The following FILIP1L variants were observed in gnomAD, a reference collection of about 807,000 sequenced individuals.
The protein encoded by FILIP1L is filamin A-interacting protein 1-like.
In FILIP1L, 55 loss-of-function variants were observed where a neutral mutation model predicts 96.6. That is an observed-to-expected ratio of 0.57 (90% CI 0.46 to 0.71). The LOEUF is 0.71. FILIP1L is among the 30% of genes least tolerant of loss of function. The pLI is 0.00. For synonymous variants in FILIP1L, 467 were observed against 473.9 expected, an observed-to-expected ratio of 0.99 and a Z score of 0.19; for missense variants, 1,304 against 1,321.2, an observed-to-expected ratio of 0.99 and a Z score of 0.20.
intron 1 of FILIP1L, among the ~76,000 whole-genome samples, chr3:100,109,400 A>C (rs1178790712): frequency 6.6e-6 from 1 of 152,198 alleles, no homozygotes; most frequent in African/African-American, 2.4e-5. Context: ...AAGCTCATGC[A>C]ATCATGTAAC....
At chr3:100,092,000 C>T (rs1012883248) in intron 1 of FILIP1L, among the ~76,000 whole-genome samples, 1 of 152,180 alleles carries the variant, frequency 6.6e-6, no homozygotes, top group Admixed American at 6.5e-5. Flanking sequence ...GTTGCTTGAT[C>T]TCTCTGGACC....
chr3:99,855,654 GAACT>G (rs934029045), intron 4 of FILIP1L, among the ~76,000 whole-genome samples: 1 of 152,152 alleles, frequency 6.6e-6, no homozygotes, highest in African/African-American at 2.4e-5. Context: ...TCTGAATGGA[GAACT>G]ATCAACTTAA....
intron 4 of FILIP1L, among the ~76,000 whole-genome samples, chr3:99,918,460 A>T (rs561505279): frequency 6.6e-6 from 1 of 152,312 alleles, no homozygotes; most frequent in Middle Eastern, 3.4e-3. Context: ...CAATAAACTC[A>T]CTATCATGTA....
chr3:99,920,260 C>CT (rs1206822517), intron 4 of FILIP1L, among the ~76,000 whole-genome samples: 2 of 151,826 alleles, frequency 1.3e-5, no homozygotes, highest in South Asian at 2.1e-4. Context: ...AAAAGCAACT[C>CT]TTTTTTTTCT....
intron 1 of FILIP1L, among the ~76,000 whole-genome samples, chr3:99,962,653 A>G (rs1042219188): frequency 6.6e-6 from 1 of 152,236 alleles, no homozygotes; most frequent in African/African-American, 2.4e-5. Flanking sequence ...ACAAACACAT[A>G]TAGCACTGTA....
At chr3:99,842,606 G>T (rs548380789) in intron 5 of FILIP1L, among the ~76,000 whole-genome samples, 4 of 151,492 alleles carry the variant, frequency 2.6e-5, no homozygotes, top group Non-Finnish European at 5.9e-5. Context: ...AAGAAAACTA[G>T]TTTCAGTTTT....
intron 1 of FILIP1L, among the ~76,000 whole-genome samples, chr3:100,113,228 G>A (rs1169964653): frequency 6.6e-6 from 1 of 152,164 alleles, no homozygotes; most frequent in African/African-American, 2.4e-5. Flanking sequence ...CTCTTCAGTG[G>A]AGCGCCTATA....
intron 1 of FILIP1L, among the ~76,000 whole-genome samples, chr3:100,016,844 T>C (rs1050158511): frequency 6.6e-6 from 1 of 152,262 alleles, no homozygotes; most frequent in Non-Finnish European, 1.5e-5. Flanking sequence ...GATGCAGATT[T>C]CATGACATCT....
intron 1 of FILIP1L, among the ~76,000 whole-genome samples, chr3:100,070,274 G>A (rs561518012): frequency 4.6e-5 from 7 of 152,292 alleles, no homozygotes; most frequent in African/African-American, 1.7e-4. Flanking sequence ...TCCCTTGCAA[G>A]TTTGTGGGGA....
intron 4 of FILIP1L, among the ~76,000 whole-genome samples, chr3:99,852,426 G>C (rs1378089719): frequency 6.6e-6 from 1 of 151,994 alleles, no homozygotes; most frequent in East Asian, 1.9e-4. Flanking sequence ...GTAAGGATTT[G>C]AGAGAACTTT....
chr3:99,951,032 C>G (rs917094341), intron 1 of FILIP1L, among the ~76,000 whole-genome samples: 4 of 152,098 alleles, frequency 2.6e-5, no homozygotes, highest in Non-Finnish European at 5.9e-5. Flanking sequence ...CACCTCATGC[C>G]CCTCCCTTTG....
chr3:99,977,636 C>T (rs1471715398), intron 1 of FILIP1L, among the ~76,000 whole-genome samples: 1 of 151,428 alleles, frequency 6.6e-6, no homozygotes, highest in Non-Finnish European at 1.5e-5. Flanking sequence ...GTATACAGGC[C>T]CTAAAGTGTA....
chr3:99,848,953 G>C lies in FILIP1L; in HGVS notation c.2723C>G (p.Pro908Arg). The C allele has an allele frequency of 6.2e-7, 1 of 1,614,142 alleles. No individual in the cohort carries two copies. The highest frequency in any genetic ancestry group is 1.3e-5 in the African/African-American group (1 of 75,040). The change falls in exon 5 of 6, where the codon CCA (proline) becomes CGA (arginine). Residue 908 changes from proline to arginine, a missense_variant. Physicochemically the swap from Pro to Arg is moderately radical, Grantham distance 103. Coordinates refer to ENST00000477258, the MANE Select transcript of FILIP1L (RefSeq NM_001387850.1). The part of the protein sequence containing the change: ...PGQPLHIKVT[P>R]DHVQNTATLE... ...AGTGGCTGTGTTTTGTACATGGTCT[G>C]GAGTAACCTTTATATGAAGTGGCTG...
chr3:100,077,290 T>A (rs1232716305), intron 1 of FILIP1L, among the ~76,000 whole-genome samples: 1 of 152,238 alleles, frequency 6.6e-6, no homozygotes, highest in African/African-American at 2.4e-5. Flanking sequence ...TGATGCATGG[T>A]GTTCTTAAGA....
chr3:100,057,755 G>A (rs2065489800), intron 1 of FILIP1L, among the ~76,000 whole-genome samples: 2 of 152,086 alleles, frequency 1.3e-5, no homozygotes, highest in African/African-American at 4.8e-5. Context: ...ATGTGAGCGT[G>A]GCTGGCTCAG....
In FILIP1L at chr3:99,980,037, A is replaced by T. The variant is rs527488977; in HGVS notation, c.-10-49007T>A. 2.2e-4 allele frequency among the ~76,000 whole-genome samples: 33 copies of T among 152,328 alleles called. 1 individual carries two copies. The East Asian group carries it at 6.4e-3, about 30-fold the overall frequency. On this transcript the variant is annotated intron_variant, in intron 1 of 5. Transcript: ENST00000477258. ...ATTAAAGCAGCACTGGGGGGAAAGA[A>T]TTCTAAGCAAAGATTACTTAGAAGC...
In FILIP1L at chr3:99,848,385, G is replaced by A. The variant is rs191265397; in HGVS notation, c.3291C>T (p.Asn1097=). Residue 1097 remains asparagine (N), a synonymous_variant, in exon 5 of 6, where the codon AAC becomes AAT. Coordinates refer to ENST00000477258, the MANE Select transcript of FILIP1L (RefSeq NM_001387850.1). ...TATTGGTTGTTTTGTTTAGTGCCCC[G>A]TTAATTAAGCCTTGAGTTCGGTTAT... ...LQDNRTQGLI[N]GALNKTTNKV... 6.2e-6 allele frequency: 10 copies of A among 1,614,168 alleles called. No individual in the cohort carries two copies. The Admixed American group carries it at 8.3e-5, about 13-fold the overall frequency.
At chr3:100,053,361 C>G (rs2065405987) in intron 1 of FILIP1L, among the ~76,000 whole-genome samples, 1 of 152,192 alleles carries the variant, frequency 6.6e-6, no homozygotes, top group African/African-American at 2.4e-5. Flanking sequence ...TACTTTCTTG[C>G]TTTTTGTAGC....
At position 99,924,283 on chromosome 3, in the gene FILIP1L, T is replaced by C. The variant is rs770690071; in HGVS notation, c.552A>G (p.Glu184=). The C allele has an allele frequency of 2.5e-6, 4 of 1,614,024 alleles. No homozygotes were observed. In the East Asian group the frequency reaches 6.7e-5, roughly 27 times the overall value. ...TGAATTCATCACTCTTCTCCATGTA[T>C]TCTTTATGTTTTCTCTTTTCTTCCT... ...ELEEEKRKHK[E]YMEKSDEFIC... The change falls in exon 4 of 6, where the codon GAA becomes GAG. Residue 184 remains glutamate (E), a synonymous_variant. Transcript: ENST00000477258.
Sources: gnomAD v4.1 joint callset for allele counts (sites outside exome capture counted in the v4.1 genomes callset) on GRCh38, gnomAD v4.1.1 for gene constraint, MANE v1.5 for transcripts, NCBI Gene and HGNC (gene_info 2026-07-23, HGNC 2026-07-21) for gene names.